Variants in COPG2 observed in about 807,000 individuals in gnomAD.
The protein encoded by COPG2 is coat protein complex I subunit gamma 2.
Under a neutral mutation model 46.3 loss-of-function variants are expected in COPG2, and 37 were observed. The observed-to-expected ratio is 0.80, with a 90% CI of 0.61 to 1.05. The LOEUF (loss-of-function observed/expected upper bound fraction) is 1.05. Ranked by LOEUF, COPG2 falls within the 50% of genes least tolerant of loss-of-function variation. The probability of loss-of-function intolerance (pLI) is 0.00; values close to 1 mark genes in which losing one functional copy is unlikely to be tolerated. For synonymous variants in COPG2, 159 were observed against 129.7 expected (o/e 1.23, Z -1.53); for missense variants, 427 against 387.8 (o/e 1.10, Z -0.85).
At chr7:130,513,622 C>T (rs1554441365) in intron 20 of COPG2, among the ~76,000 whole-genome samples, 1 of 151,832 alleles carries the variant, frequency 6.6e-6, no homozygotes, top group African/African-American at 2.4e-5. Flanking sequence ...ATGTTTGAAG[C>T]AACAAGTGTG....
chr7:130,530,869 C>T (rs1799818173), intron 20 of COPG2, among the ~76,000 whole-genome samples: 1 of 151,442 alleles, frequency 6.6e-6, no homozygotes, highest in Non-Finnish European at 1.5e-5. Flanking sequence ...GGGGCAGGTC[C>T]CAGAGTAGGA....
chr7:130,631,730 A>C (rs1795236535), intron 5 of COPG2, among the ~76,000 whole-genome samples: 1 of 63,064 alleles, frequency 1.6e-5, no homozygotes, highest in Non-Finnish European at 4.2e-5. Context: ...TATGTTATAA[A>C]CTCCATACTA....
chr7:130,537,783 G>C (rs988544556), intron 20 of COPG2, among the ~76,000 whole-genome samples: 6 of 152,244 alleles, frequency 3.9e-5, no homozygotes, highest in Non-Finnish European at 7.3e-5. Flanking sequence ...AAGGGGCGAA[G>C]TGTTTGATGC....
intron 20 of COPG2, chr7:130,510,966 C>T: frequency 1.9e-6 from 1 of 520,104 alleles, no homozygotes; most frequent in South Asian, 1.4e-5. Flanking sequence ...CCCTGAAGAT[C>T]TGCATTAAAA....
intron 5 of COPG2, among the ~76,000 whole-genome samples, chr7:130,643,685 T>A (rs1795535979): frequency 6.6e-6 from 1 of 151,936 alleles, no homozygotes; most frequent in Non-Finnish European, 1.5e-5. Context: ...AAGCTACGCA[T>A]CGTGGTTTAC....
intron 4 of COPG2, 53 bp from the exon 5 acceptor site, chr7:130,653,001 TA>T: frequency 2.4e-6 from 3 of 1,264,862 alleles, no homozygotes; most frequent in Admixed American, 4.1e-5. Flanking sequence ...AATGGTTTTT[TA>T]AATTATTTGA....
In COPG2 at chr7:130,511,800, G is replaced by T. The variant is rs141046673; in HGVS notation, c.2150-3141C>A. ...GGCTGCATGGGAAATACACAGAAAGGGTTAAGGAGCAAGGAATTCAGTAGG... is the reference window on the plus strand; with the variant it reads ...GGCTGCATGGGAAATACACAGAAAGTGTTAAGGAGCAAGGAATTCAGTAGG... On this transcript the variant is annotated intron_variant, in intron 20 of 23. Coordinates refer to ENST00000425248, the MANE Select transcript of COPG2 (RefSeq NM_012133.6). The T allele has an allele frequency of 1.5e-5, 8 of 519,366 alleles. No individual in the cohort carries two copies. The East Asian group carries it at 3.8e-4, about 25-fold the overall frequency. 32.2% of individuals were successfully genotyped at this position (519,366 alleles called of 1,614,324 possible).
intron 20 of COPG2, among the ~76,000 whole-genome samples, chr7:130,531,672 C>G (rs1478959992): frequency 1.3e-5 from 2 of 151,940 alleles, no homozygotes; most frequent in African/African-American, 4.8e-5. Context: ...GAGTGCCAGG[C>G]CTATTTGAGA....
Position 130,628,810 on chromosome 7 carries a change from C to T in COPG2, c.324-11745G>A, listed in dbSNP as rs1038212033. ...CAGTAATCCCAGCACTTTGGGAGGCCGAGGCAGGAGGATCACTTGATGCCA... is the reference window on the plus strand; with the variant it reads ...CAGTAATCCCAGCACTTTGGGAGGCTGAGGCAGGAGGATCACTTGATGCCA... On this transcript the variant is annotated intron_variant, in intron 5 of 23. Transcript: ENST00000425248. Among the ~76,000 whole-genome samples the T allele has an allele frequency of 1.1e-4, 17 of 152,084 alleles. No individual in the cohort carries two copies. The East Asian group carries it at 1.2e-3, about 10-fold the overall frequency.
intron 9 of COPG2, among the ~76,000 whole-genome samples, chr7:130,600,159 T>C (rs1794608018): frequency 6.6e-6 from 1 of 152,244 alleles, no homozygotes; most frequent in Non-Finnish European, 1.5e-5. Context: ...TGTGCATATT[T>C]TGAAACTATA....
At chr7:130,508,739 T>C in intron 20 of COPG2, 80 bp from the exon 21 acceptor site, 1 of 680,394 alleles carries the variant, frequency 1.5e-6, no homozygotes, top group Non-Finnish European at 2.7e-6. Flanking sequence ...TACTCAGCAC[T>C]GTGTTCCACA....
chr7:130,619,088 T>C (rs1177978699), intron 5 of COPG2, among the ~76,000 whole-genome samples: 1 of 152,204 alleles, frequency 6.6e-6, no homozygotes, highest in African/African-American at 2.4e-5. Context: ...GAATTTGTTT[T>C]GTGTTACATC....
At chr7:130,627,803 G>A (rs1368144688) in intron 5 of COPG2, among the ~76,000 whole-genome samples, 15 of 151,630 alleles carry the variant, frequency 9.9e-5, no homozygotes, top group East Asian at 3.9e-4. Context: ...GGCGGGGTGC[G>A]GTTCAGGGGA....
chr7:130,612,006 T>C, intron 8 of COPG2, 146 bp downstream of exon 8: 1 of 636,118 alleles, frequency 1.6e-6, no homozygotes, highest in Admixed American at 2.6e-5. Context: ...TCATAATTAG[T>C]GAGATTCCTA....
intron 5 of COPG2, among the ~76,000 whole-genome samples, chr7:130,621,316 G>C (rs1795035226): frequency 6.6e-6 from 1 of 152,214 alleles, no homozygotes; most frequent in African/African-American, 2.4e-5. Flanking sequence ...TAAGCCACCA[G>C]ATTTTTTAAG....
intron 4 of COPG2, among the ~76,000 whole-genome samples, chr7:130,653,804 T>C (rs781976825): frequency 6.6e-6 from 1 of 151,098 alleles, no homozygotes; most frequent in Non-Finnish European, 1.5e-5. Context: ...CTGAACCCAT[T>C]AAGGAAAGAA....
chr7:130,616,254 T>C (rs75625438), intron 6 of COPG2, among the ~76,000 whole-genome samples: 1 of 152,192 alleles, frequency 6.6e-6, no homozygotes, highest in South Asian at 2.1e-4. Flanking sequence ...CTGTTTATTG[T>C]TGATTGTGTA....
In COPG2 at chr7:130,550,519, T is replaced by C. The variant is rs988212825; in HGVS notation, c.1774+5A>G. On this transcript the variant is annotated splice_donor_5th_base_variant and intron_variant, in intron 17 of 23. Coordinates refer to ENST00000425248, the MANE Select transcript of COPG2 (RefSeq NM_012133.6). Reference sequence around the variant, plus strand: ...CTTATACACAGAAAAATGAATAGAGTGAACCTGCTTTCTGTTCAAAGACAG... The same window carrying C: ...CTTATACACAGAAAAATGAATAGAGCGAACCTGCTTTCTGTTCAAAGACAG... The C allele has an allele frequency of 5.0e-4, 197 of 394,922 alleles. No individual in the cohort carries two copies. Among genetic ancestry groups the C allele is most frequent in the African/African-American group, 3.4e-3 (162 of 47,784 alleles). 24.5% of individuals were successfully genotyped at this position (394,922 alleles called of 1,614,324 possible).
intron 20 of COPG2, among the ~76,000 whole-genome samples, chr7:130,517,891 A>G (rs1799692063): frequency 1.3e-5 from 2 of 151,768 alleles, no homozygotes; most frequent in African/African-American, 4.8e-5. Context: ...AAATCTGTCA[A>G]ATCTCAGAAG....
Sources: gnomAD v4.1 joint callset for allele counts (sites outside exome capture counted in the v4.1 genomes callset) on GRCh38, gnomAD v4.1.1 for gene constraint, MANE v1.5 for transcripts, NCBI Gene and HGNC (gene_info 2026-07-23, HGNC 2026-07-21) for gene names.